The following AKAP13 variants were observed in gnomAD, a reference collection of about 807,000 sequenced individuals.
The protein encoded by AKAP13 is A-kinase anchor protein 13.
In AKAP13, 80 loss-of-function variants were observed where a neutral mutation model predicts 264.5. The observed-to-expected ratio is 0.30, with a 90% CI of 0.25 to 0.36. The LOEUF is 0.36. Ranked by LOEUF, AKAP13 falls within the 10% of genes least tolerant of loss-of-function variation. The pLI is 1.00. For synonymous variants in AKAP13, 1,380 were observed against 1,250.2 expected (o/e 1.10, Z -2.19); for missense variants, 3,712 against 3,435.2 (o/e 1.08, Z -2.01).
At chr15:85,578,899 T>A in intron 6 of AKAP13, 31 bp from the exon 7 acceptor site, 1 of 1,590,526 alleles carries the variant, frequency 6.3e-7, no homozygotes, top group Non-Finnish European at 8.6e-7. Context: ...CTACAGGCAG[T>A]TTTTTAAAAG....
At chr15:85,500,331 C>G (rs2076006638) in intron 2 of AKAP13, among the ~76,000 whole-genome samples, 1 of 152,158 alleles carries the variant, frequency 6.6e-6, no homozygotes, top group South Asian at 2.1e-4. Flanking sequence ...TTGCTTCTTA[C>G]TACACAAATC....
intron 8 of AKAP13, among the ~76,000 whole-genome samples, chr15:85,634,115 A>G (rs1410695595): frequency 6.6e-6 from 1 of 152,184 alleles, no homozygotes; most frequent in African/African-American, 2.4e-5. Flanking sequence ...TGCTCTCTGT[A>G]ATAGTAAAAT....
chr15:85,421,138 C>G (rs549996710), intron 1 of AKAP13, among the ~76,000 whole-genome samples: 1 of 152,164 alleles, frequency 6.6e-6, no homozygotes, highest in African/African-American at 2.4e-5. Flanking sequence ...TCAGAGAAAA[C>G]AAGCAACTAT....
intron 30 of AKAP13, among the ~76,000 whole-genome samples, chr15:85,730,933 C>T (rs2087958744): frequency 6.6e-6 from 1 of 151,790 alleles, no homozygotes; most frequent in Admixed American, 6.6e-5. Context: ...GCTCTGTCCC[C>T]ATCACACCTC....
intron 13 of AKAP13, among the ~76,000 whole-genome samples, chr15:85,665,282 T>C (rs368030292): frequency 1.1e-4 from 16 of 152,328 alleles, no homozygotes; most frequent in African/African-American, 3.1e-4. Flanking sequence ...TTTTTAAAAT[T>C]AGGAAAGTAT....
intron 14 of AKAP13, among the ~76,000 whole-genome samples, chr15:85,681,326 A>G (rs2084586190): frequency 6.6e-6 from 1 of 152,208 alleles, no homozygotes; most frequent in African/African-American, 2.4e-5. Context: ...AAAATTGAAA[A>G]TCATTTATCA....
chr15:85,496,141 G>A (rs142344317), intron 2 of AKAP13, among the ~76,000 whole-genome samples: 1 of 152,130 alleles, frequency 6.6e-6, no homozygotes, highest in Admixed American at 6.5e-5. Context: ...TTTACAGCCA[G>A]GGTGGATGGT....
At chr15:85,446,742 G>T (rs1304655670) in intron 1 of AKAP13, among the ~76,000 whole-genome samples, 8 of 136,034 alleles carry the variant, frequency 5.9e-5, no homozygotes, top group African/African-American at 2.3e-4. Context: ...ACAGAGTCTC[G>T]CTGTGTTGTC....
chr15:85,658,615 A>G, intron 12 of AKAP13, 25 bp downstream of exon 12: 1 of 1,599,904 alleles, frequency 6.3e-7, no homozygotes, highest in Non-Finnish European at 8.6e-7. Flanking sequence ...AACTTGATGG[A>G]CTAACCATGT....
At chr15:85,399,729 T>C (rs1184080245) in intron 1 of AKAP13, among the ~76,000 whole-genome samples, 1 of 151,792 alleles carries the variant, frequency 6.6e-6, no homozygotes, top group Middle Eastern at 3.2e-3. Flanking sequence ...AAAAGACAGA[T>C]GGAGGAAACT....
intron 1 of AKAP13, among the ~76,000 whole-genome samples, chr15:85,425,904 TA>T (rs772695478): frequency 6.2e-4 from 90 of 145,556 alleles, no homozygotes; most frequent in Non-Finnish European, 7.8e-4. Context: ...AAGATCGGTT[TA>T]AAAAAAAAAA....
rs1400131184 is a variant in AKAP13 at position 85,473,252 on chromosome 15, TG to T, written c.-11-12453del. 3.2e-4 allele frequency among the ~76,000 whole-genome samples: 48 copies of T among 151,640 alleles called. 1 individual carries two copies. The highest frequency in any genetic ancestry group is 3.4e-3 in the Middle Eastern group (1 of 294). On this transcript the variant is annotated intron_variant, in intron 1 of 36. Coordinates refer to ENST00000394518, the MANE Select transcript of AKAP13 (RefSeq NM_007200.5). ...AGGTTTTGTTAACTGGGCGCGGGTG[TG>T]GGGGTGGGAGTAAAGAGTAGGGATG... is the stretch of plus-strand genomic sequence containing the variant.
At chr15:85,739,519 A>G (rs1256548427) in intron 33 of AKAP13, among the ~76,000 whole-genome samples, 1 of 151,952 alleles carries the variant, frequency 6.6e-6, no homozygotes, top group African/African-American at 2.4e-5. Flanking sequence ...AGATTTTTCC[A>G]TTTGAATTTC....
chr15:85,487,621 AG>A (rs1309107685), intron 2 of AKAP13, among the ~76,000 whole-genome samples: 11 of 152,182 alleles, frequency 7.2e-5, no homozygotes, highest in African/African-American at 2.7e-4. Context: ...GCTGGAGTGC[AG>A]TGACATGATC....
chr15:85,577,714 A>G (rs987883936), intron 6 of AKAP13: 1 of 766,516 alleles, frequency 1.3e-6, no homozygotes, highest in African/African-American at 1.9e-5. Flanking sequence ...GTATATAGGT[A>G]TATGTTCTCA....
intron 2 of AKAP13, among the ~76,000 whole-genome samples, chr15:85,506,247 G>A (rs1452848755): frequency 1.3e-5 from 2 of 152,158 alleles, no homozygotes; most frequent in East Asian, 1.9e-4. Flanking sequence ...TTGTGCCACT[G>A]CACTCCAGCC....
intron 10 of AKAP13, among the ~76,000 whole-genome samples, chr15:85,648,585 C>T (rs1003986470): frequency 6.6e-6 from 1 of 152,028 alleles, no homozygotes; most frequent in South Asian, 2.1e-4. Context: ...CGTGGTGGAT[C>T]TTAGCATTTT....
At chr15:85,663,177 G>A (rs2151543928) in intron 12 of AKAP13, among the ~76,000 whole-genome samples, 1 of 152,258 alleles carries the variant, frequency 6.6e-6, no homozygotes, top group South Asian at 2.1e-4. Context: ...AGACACGGTA[G>A]CAGGTGCCTG....
At position 85,743,780 on chromosome 15, in the gene AKAP13, AAGG is replaced by A. The variant is rs2089228595; in HGVS notation, c.8350_8352del (p.Glu2784del). On this transcript the variant is annotated inframe_deletion, in exon 36 of 37. Transcript: ENST00000394518. Reference sequence around the variant, plus strand: ...TGGGTTAACAAAGCCAAAGGAAAAGAAGGAGAAAAAAAAGAAGAACAAAACCAG... The same window carrying A: ...TGGGTTAACAAAGCCAAAGGAAAAGAAGAAAAAAAAGAAGAACAAAACCAG... The A allele has an allele frequency of 1.2e-6, 2 of 1,612,654 alleles. No individual in the cohort carries two copies. The highest frequency in any genetic ancestry group is 1.3e-5 in the African/African-American group (1 of 74,688).
Sources: gnomAD v4.1 joint callset for allele counts (sites outside exome capture counted in the v4.1 genomes callset) on GRCh38, gnomAD v4.1.1 for gene constraint, MANE v1.5 for transcripts, NCBI Gene and HGNC (gene_info 2026-07-23, HGNC 2026-07-21) for gene names.